The following CACNA2D4 variants were observed in gnomAD, a reference collection of about 807,000 sequenced individuals.
The protein encoded by CACNA2D4 is voltage-dependent calcium channel subunit alpha-2/delta-4.
In CACNA2D4, 157 loss-of-function variants were observed where a neutral mutation model predicts 163.8. That is an observed-to-expected ratio of 0.96 (90% CI 0.84 to 1.09). The LOEUF (loss-of-function observed/expected upper bound fraction) is 1.09, where lower values mean the gene tolerates loss of function less well. Among genes scored for constraint, CACNA2D4 ranks in the 50% least tolerant of loss-of-function variants. The probability of loss-of-function intolerance (pLI) is 0.00; values close to 1 mark genes in which losing one functional copy is unlikely to be tolerated. For synonymous variants in CACNA2D4, 598 were observed against 586.9 expected (o/e 1.02, Z -0.27); for missense variants, 1,410 against 1,479.9 (o/e 0.95, Z 0.78).
chr12:1,824,942 A>G (rs1315195493), intron 26 of CACNA2D4, among the ~76,000 whole-genome samples: 1 of 152,236 alleles, frequency 6.6e-6, no homozygotes, highest in Non-Finnish European at 1.5e-5. Flanking sequence ...TCCAGGAGGA[A>G]GCCCAAGGGA....
Position 1,828,966 on chromosome 12 carries a change from G to A in CACNA2D4, c.2551+11773C>T, listed in dbSNP as rs571768381. ...GGTGGCAGGGAGGAAACGGTCCCGC[G>A]GGACGGCATTCCGCCTGACTTCCCG... On this transcript the variant is annotated intron_variant, in intron 26 of 37. Transcript: ENST00000382722. This position sits in a 1 kb window ranked among gnomAD's most constrained non-coding sequence, Gnocchi z 4.2. Among the ~76,000 whole-genome samples, 153 of 152,320 alleles carry A rather than the reference G, an allele frequency of 1.0e-3. No homozygotes were observed. Among genetic ancestry groups the A allele is most frequent in the Middle Eastern group, 3.4e-3 (1 of 294 alleles).
chr12:1,800,797 C>T (rs959793644), intron 31 of CACNA2D4: 11 of 596,008 alleles, frequency 1.8e-5, no homozygotes, highest in East Asian at 1.4e-4. Flanking sequence ...TCTCTGTCTC[C>T]GCCAGAGGCA....
chr12:1,864,597 C>A (rs958690995), intron 18 of CACNA2D4, among the ~76,000 whole-genome samples: 14 of 152,314 alleles, frequency 9.2e-5, no homozygotes, highest in Middle Eastern at 6.8e-3. Context: ...CCTCTTCCTG[C>A]CGACAAGGTG....
intron 29 of CACNA2D4, 28 bp from the exon 30 acceptor site, chr12:1,801,672 G>A (rs1863337536): frequency 1.3e-6 from 2 of 1,503,742 alleles, no homozygotes; most frequent in Non-Finnish European, 9.1e-7. Flanking sequence ...CAGAGAGAGA[G>A]GGAGGGAGAG....
At chr12:1,902,277 A>T (rs1253459516) in intron 6 of CACNA2D4, among the ~76,000 whole-genome samples, 1 of 152,102 alleles carries the variant, frequency 6.6e-6, no homozygotes, top group Non-Finnish European at 1.5e-5. Context: ...GGAAAGACTG[A>T]AAGCCTTTCC....
At position 1,913,117 on chromosome 12, in the gene CACNA2D4, C is replaced by A. The variant is rs1866875295; in HGVS notation, c.332G>T (p.Ser111Ile). The A allele has an allele frequency of 1.2e-6, 2 of 1,613,256 alleles. No individual in the cohort carries two copies. The highest frequency in any genetic ancestry group is 3.3e-5 in the Admixed American group (2 of 60,012). Reference sequence around the variant, plus strand: ...GCCATCCACCTCCTCGATCTTCAGACTGGACTCCACATCCTTGTACTTCTG... The same window carrying A: ...GCCATCCACCTCCTCGATCTTCAGAATGGACTCCACATCCTTGTACTTCTG... Reference protein sequence around the residue: ...LQKKYKDVESSLKIEEVDGLE... With the variant: ...LQKKYKDVESILKIEEVDGLE... The change falls in exon 3 of 38, where the codon AGT becomes ATT. Residue 111 changes from serine to isoleucine, a missense_variant. Physicochemically the swap from Ser to Ile is moderately radical, Grantham distance 142. Coordinates refer to ENST00000382722, the MANE Select transcript of CACNA2D4 (RefSeq NM_172364.5).
chr12:1,911,595 C>T (rs1450062049), intron 3 of CACNA2D4, among the ~76,000 whole-genome samples: 1 of 152,146 alleles, frequency 6.6e-6, no homozygotes, highest in Admixed American at 6.5e-5. Context: ...CCACGCGCAC[C>T]CTCATGGAAG....
intron 6 of CACNA2D4, among the ~76,000 whole-genome samples, chr12:1,896,623 ACACACACACACACACAC>A (rs1866408696): frequency 5.3e-5 from 8 of 149,736 alleles, no homozygotes; most frequent in African/African-American, 1.8e-4. Context: ...ACACACACAC[ACACACACACACACACAC>A]ACACACACAC....
At chr12:1,797,558 A>G (rs764323142) in intron 34 of CACNA2D4, 23 bp from the exon 35 acceptor site, 1 of 1,532,150 alleles carries the variant, frequency 6.5e-7, no homozygotes, top group African/African-American at 1.4e-5. Context: ...AAAGGACATC[A>G]CGCCACCGAA....
At chr12:1,885,871 CA>C (rs1866126593) in intron 9 of CACNA2D4, 93 bp downstream of exon 9, 7 of 912,792 alleles carry the variant, frequency 7.7e-6, no homozygotes, top group Middle Eastern at 3.2e-4. Flanking sequence ...TGGGAATAAG[CA>C]AAAAGGGCCA....
intron 26 of CACNA2D4, among the ~76,000 whole-genome samples, chr12:1,837,786 C>A (rs898862404): frequency 1.9e-4 from 29 of 152,270 alleles, no homozygotes; most frequent in Non-Finnish European, 2.1e-4. Context: ...CAAGACAAGT[C>A]TTCCCGAGCC....
At chr12:1,916,739 G>C (rs1866992443) in intron 1 of CACNA2D4, among the ~76,000 whole-genome samples, 1 of 152,228 alleles carries the variant, frequency 6.6e-6, no homozygotes, top group Non-Finnish European at 1.5e-5. Flanking sequence ...CCTGGATTGG[G>C]CATGAGGAGG....
At chr12:1,909,815 C>T (rs1866769100) in intron 4 of CACNA2D4, 91 bp downstream of exon 4, 1 of 1,059,338 alleles carries the variant, frequency 9.4e-7, no homozygotes, top group Non-Finnish European at 1.4e-6. Flanking sequence ...AGTGGATCGC[C>T]ACCCTACGCC....
chr12:1,800,751 G>A (rs1433735441), intron 31 of CACNA2D4: 32 of 591,394 alleles, frequency 5.4e-5, no homozygotes, highest in Middle Eastern at 8.9e-4. Flanking sequence ...GTGATCAAGC[G>A]GCAGTGTCAG....
chr12:1,834,535 C>T lies in CACNA2D4; in HGVS notation c.2551+6204G>A, dbSNP rs373943106. The T allele has an allele frequency of 5.0e-6, 8 of 1,604,826 alleles. No individual in the cohort carries two copies. The African/African-American group carries it at 1.1e-4, about 21-fold the overall frequency. The stretch of plus-strand genomic sequence containing the variant: ...CGGCGAGCGTGAGGCGAGCCATGGG[C>T]ACGGTGATCATTGCAGGGGTCGTGT... On this transcript the variant is annotated intron_variant, in intron 26 of 37. Transcript: ENST00000382722. This position sits in a 1 kb window ranked among gnomAD's most constrained non-coding sequence, Gnocchi z 7.6.
At chr12:1,873,083 A>G (rs1865817888) in intron 18 of CACNA2D4, among the ~76,000 whole-genome samples, 1 of 152,140 alleles carries the variant, frequency 6.6e-6, no homozygotes. Flanking sequence ...TGGGGATAGG[A>G]TAGGCCCACC....
At chr12:1,893,913 GAAAC>G (rs1866344131) in intron 6 of CACNA2D4, among the ~76,000 whole-genome samples, 1 of 151,974 alleles carries the variant, frequency 6.6e-6, no homozygotes, top group South Asian at 2.1e-4. Flanking sequence ...TACTGGAACA[GAAAC>G]AAACAAACTA....
chr12:1,827,222 C>T (rs1460699781), intron 26 of CACNA2D4, among the ~76,000 whole-genome samples: 1 of 152,030 alleles, frequency 6.6e-6, no homozygotes, highest in Non-Finnish European at 1.5e-5. Context: ...GGCCTCCCAT[C>T]TGGAAGGAAG....
chr12:1,915,311 T>A, intron 1 of CACNA2D4: 2 of 700,806 alleles, frequency 2.9e-6, no homozygotes, highest in Non-Finnish European at 5.2e-6. Context: ...GTTCTCCTGC[T>A]GAGGGTTGTG....
Sources: gnomAD v4.1 joint callset for allele counts (sites outside exome capture counted in the v4.1 genomes callset) on GRCh38, gnomAD v4.1.1 for gene constraint, Gnocchi (gnomAD v3.1) non-coding constraint, MANE v1.5 for transcripts, NCBI Gene and HGNC (gene_info 2026-07-23, HGNC 2026-07-21) for gene names.